COL14A1: variants seen among roughly 807,000 people sequenced by gnomAD.
COL14A1 encodes the protein collagen alpha-1(XIV) chain.
Under a neutral mutation model 230.3 loss-of-function variants are expected in COL14A1, and 136 were observed. That is an observed-to-expected ratio of 0.59 (90% CI 0.51 to 0.68). COL14A1 has a LOEUF of 0.68. COL14A1 is among the 30% of genes least tolerant of loss of function. The pLI, the probability that COL14A1 is intolerant of heterozygous loss-of-function variation, is 0.00. For synonymous variants in COL14A1, 792 were observed against 784.1 expected, an observed-to-expected ratio of 1.01 and a Z score of -0.17; for missense variants, 1,976 against 2,215.8, an observed-to-expected ratio of 0.89 and a Z score of 2.17.
At chr8:120,250,813 TG>T (rs1818920881) in intron 22 of COL14A1, 47 bp downstream of exon 22, 1 of 1,605,312 alleles carries the variant, frequency 6.2e-7, no homozygotes, top group South Asian at 1.1e-5. Context: ...GTTTTTGTTT[TG>T]TTTTGTTTTT....
At chr8:120,273,538 C>T (rs1586822100) in intron 26 of COL14A1, among the ~76,000 whole-genome samples, 8 of 151,540 alleles carry the variant, frequency 5.3e-5, no homozygotes, top group Admixed American at 5.3e-4. Context: ...AATTGATAGA[C>T]CATTAGCTGG....
chr8:120,175,505 T>C (rs983462601), intron 5 of COL14A1, among the ~76,000 whole-genome samples: 2 of 152,192 alleles, frequency 1.3e-5, no homozygotes, highest in Non-Finnish European at 2.9e-5. Context: ...ACTCTCAGTG[T>C]TCTCATTTTC....
At position 120,175,250 on chromosome 8, in the gene COL14A1, G is replaced by A. The variant is rs541847728; in HGVS notation, c.436+7003G>A. On this transcript the variant is annotated intron_variant, in intron 5 of 47. Coordinates refer to ENST00000297848, the MANE Select transcript of COL14A1 (RefSeq NM_021110.4). ...GTACTTGCCTTTGAGCATAATATTG[G>A]CACATTTGCATTAATGGCTATTTCT... Among the ~76,000 whole-genome samples the A allele has an allele frequency of 2.6e-5, 4 of 152,258 alleles. No individual in the cohort carries two copies. The East Asian group carries it at 7.7e-4, about 29-fold the overall frequency.
chr8:120,184,632 G>T (rs1816588945), intron 5 of COL14A1, among the ~76,000 whole-genome samples: 1 of 152,176 alleles, frequency 6.6e-6, no homozygotes, highest in Non-Finnish European at 1.5e-5. Context: ...TCAAGCTGGA[G>T]ATCTGGGAGA....
intron 5 of COL14A1, among the ~76,000 whole-genome samples, chr8:120,183,083 A>C (rs1052652917): frequency 8.5e-5 from 13 of 152,120 alleles, no homozygotes; most frequent in Admixed American, 7.9e-4. Context: ...AAAGGAATTA[A>C]AATCTGTTTT....
rs547513530 is a variant in COL14A1, at chr8:120,331,736, T to C, written c.4660-405T>C. On this transcript the variant is annotated intron_variant, in intron 40 of 47. Coordinates refer to ENST00000297848, the MANE Select transcript of COL14A1 (RefSeq NM_021110.4). The stretch of plus-strand genomic sequence containing the variant: ...CTTTCCGATATTGTAGTACTCCTAA[T>C]GAAAGACAGATCCCTCTGATAGAGA... 8.5e-5 allele frequency among the ~76,000 whole-genome samples: 13 copies of C among 152,354 alleles called. No individual in the cohort carries two copies. In the South Asian group the frequency reaches 2.7e-3, roughly 32 times the overall value.
intron 26 of COL14A1, among the ~76,000 whole-genome samples, chr8:120,276,857 T>A (rs4871053): frequency 1 from 151,839 of 151,850 alleles, 75,914 homozygotes; most frequent in Middle Eastern, 1. Context: ...TAAAATAAAA[T>A]TAGGTTATTA....
At chr8:120,202,286 C>G (rs887844518) in intron 8 of COL14A1, among the ~76,000 whole-genome samples, 1 of 152,164 alleles carries the variant, frequency 6.6e-6, no homozygotes, top group African/African-American at 2.4e-5. Flanking sequence ...TGGAAATCAG[C>G]AGTATTTATT....
chr8:120,290,517 A>G (rs1288183571), intron 34 of COL14A1, among the ~76,000 whole-genome samples: 1 of 152,066 alleles, frequency 6.6e-6, no homozygotes, highest in East Asian at 1.9e-4. Context: ...AAACAATCCC[A>G]ACTGTTCTAA....
chr8:120,166,394 A>G (rs781100461), intron 4 of COL14A1, among the ~76,000 whole-genome samples: 49 of 152,278 alleles, frequency 3.2e-4, no homozygotes, highest in Middle Eastern at 3.4e-3. Flanking sequence ...AATTCACCAC[A>G]TTCTATGTTG....
intron 9 of COL14A1, among the ~76,000 whole-genome samples, chr8:120,204,937 A>G (rs1373276813): frequency 6.6e-6 from 1 of 152,028 alleles, no homozygotes; most frequent in African/African-American, 2.4e-5. Flanking sequence ...ATTCATTACC[A>G]TCTGCTGGGG....
chr8:120,266,829 T>G lies in COL14A1; in HGVS notation c.3019T>G (p.Ser1007Ala), dbSNP rs1819515388. 3 of 1,611,868 alleles carry G rather than the reference T, an allele frequency of 1.9e-6. No homozygotes were observed. The highest frequency in any genetic ancestry group is 2.5e-6 in the Non-Finnish European group (3 of 1,178,362). ...PSVSIMEKTQSLPTRPPTFPP... is the reference protein window; with the variant it reads ...PSVSIMEKTQALPTRPPTFPP... ...TCCTTTCTCCCTTTCCTTTACAGAATCACTTCCTACACGACCACCAACTTT... is the reference window on the plus strand; with the variant it reads ...TCCTTTCTCCCTTTCCTTTACAGAAGCACTTCCTACACGACCACCAACTTT... The change falls in exon 25 of 48, where the codon TCA becomes GCA. Residue 1007 changes from serine (S) to alanine (A), a missense_variant and splice_region_variant. This residue lies in a region of COL14A1 where 1,791 missense variants were observed against 2,019.5 expected (regional missense o/e 0.89). Transcript: ENST00000297848.
rs1821893744 is a variant in COL14A1 at position 120,332,214 on chromosome 8, A to G, written c.4713+20A>G. On this transcript the variant is annotated intron_variant, in intron 41 of 47. Transcript: ENST00000297848. ...CCAATAGTAAGCCTTTCCAGAAACT[A>G]CTGGGACATACTCTGTTTTAAAGCA... 6.2e-7 allele frequency: 1 copy of G among 1,605,950 alleles called. No homozygotes were observed. The highest frequency in any genetic ancestry group is 8.5e-7 in the Non-Finnish European group (1 of 1,172,760).
At chr8:120,178,113 C>T (rs1301073718) in intron 5 of COL14A1, among the ~76,000 whole-genome samples, 1 of 151,602 alleles carries the variant, frequency 6.6e-6, no homozygotes, top group Non-Finnish European at 1.5e-5. Context: ...AATTTAAGTT[C>T]TGGGATACAT....
chr8:120,303,050 G>T (rs1217679691), intron 36 of COL14A1, among the ~76,000 whole-genome samples: 1 of 152,066 alleles, frequency 6.6e-6, no homozygotes, highest in African/African-American at 2.4e-5. Context: ...GGCTGCTGTT[G>T]GTGTATAGGG....
chr8:120,346,220 C>T (rs1460774054), intron 45 of COL14A1, among the ~76,000 whole-genome samples: 1 of 104,758 alleles, frequency 9.5e-6, no homozygotes, highest in Non-Finnish European at 1.8e-5. Flanking sequence ...TTCTACTTAG[C>T]CTTTTCTTCC....
intron 46 of COL14A1, among the ~76,000 whole-genome samples, chr8:120,367,742 C>A (rs1823452014): frequency 6.6e-6 from 1 of 151,474 alleles, no homozygotes; most frequent in Non-Finnish European, 1.5e-5. Flanking sequence ...TTGAGACCAG[C>A]CTGGGCAATG....
intron 9 of COL14A1, among the ~76,000 whole-genome samples, chr8:120,204,267 A>G (rs770438974): frequency 7.9e-5 from 12 of 152,194 alleles, no homozygotes; most frequent in Admixed American, 2.0e-4. Flanking sequence ...TGACACAGGC[A>G]AGACACAGCA....
chr8:120,253,229 G>C lies in COL14A1; in HGVS notation c.2753-2011G>C, dbSNP rs868374619. On this transcript the variant is annotated intron_variant, in intron 22 of 47. Transcript: ENST00000297848. Reference sequence around the variant, plus strand: ...TCACCATGTTGGTCAAGCTGGTCTTGAACTCCTGACCTCAGGTGATCCACC... The same window carrying C: ...TCACCATGTTGGTCAAGCTGGTCTTCAACTCCTGACCTCAGGTGATCCACC... Among the ~76,000 whole-genome samples the C allele has an allele frequency of 3.3e-5, 5 of 152,190 alleles. No individual in the cohort carries two copies. The Middle Eastern group carries it at 0.014, about 414-fold the overall frequency.
Sources: gnomAD v4.1 joint callset for allele counts (sites outside exome capture counted in the v4.1 genomes callset) on GRCh38, gnomAD v4.1.1 for gene constraint, gnomAD v4.1.1 regional missense constraint, MANE v1.5 for transcripts, NCBI Gene and HGNC (gene_info 2026-07-23, HGNC 2026-07-21) for gene names.